Variants in DLG2 observed in about 807,000 individuals in gnomAD.
DLG2 encodes the protein discs large MAGUK scaffold protein 2, also known as disks large homolog 2.
DLG2 carries 45 observed loss-of-function variants against 132.5 expected under a neutral mutation model. The observed-to-expected ratio is 0.34, with a 90% CI of 0.27 to 0.44. DLG2 has a LOEUF of 0.44. Ranked by LOEUF, DLG2 falls within the 20% of genes least tolerant of loss-of-function variation. DLG2 has a pLI of 1.00. For missense variants in DLG2, 1,045 were observed against 1,196.9 expected, an observed-to-expected ratio of 0.87 and a Z score of 1.87; for synonymous variants, 424 against 419.6, an observed-to-expected ratio of 1.01 and a Z score of -0.13.
At chr11:83,752,431 A>G (rs2093366646) in intron 18 of DLG2, among the ~76,000 whole-genome samples, 1 of 152,220 alleles carries the variant, frequency 6.6e-6, no homozygotes, top group Admixed American at 6.5e-5. Flanking sequence ...AGCCAAGCGA[A>G]TCAAGTACTT....
chr11:84,135,193 T>C (rs754410405), intron 9 of DLG2, among the ~76,000 whole-genome samples: 5 of 152,246 alleles, frequency 3.3e-5, no homozygotes, highest in South Asian at 2.1e-4. Context: ...TAAATACTTA[T>C]TGACTGACAG....
intron 18 of DLG2, among the ~76,000 whole-genome samples, chr11:83,686,159 C>T (rs1000273228): frequency 6.6e-6 from 1 of 152,074 alleles, no homozygotes; most frequent in Non-Finnish European, 1.5e-5. Flanking sequence ...GTTTTTAAAA[C>T]AAAATTCAGA....
intron 19 of DLG2, among the ~76,000 whole-genome samples, chr11:83,625,075 C>A (rs1157740090): frequency 1.3e-5 from 2 of 152,142 alleles, no homozygotes; most frequent in Admixed American, 1.3e-4. Flanking sequence ...AATGATCTTG[C>A]TAAATAAGAA....
At chr11:84,547,637 C>G (rs1479122509) in intron 6 of DLG2, among the ~76,000 whole-genome samples, 1 of 152,142 alleles carries the variant, frequency 6.6e-6, no homozygotes, top group Non-Finnish European at 1.5e-5. Flanking sequence ...TGATATCTTT[C>G]CAGATGCTTT....
chr11:84,843,602 T>G (rs1289771508), intron 6 of DLG2, among the ~76,000 whole-genome samples: 1 of 151,888 alleles, frequency 6.6e-6, no homozygotes, highest in Non-Finnish European at 1.5e-5. Context: ...GCTCAAGTCC[T>G]TTATATAAAA....
At chr11:84,117,560 G>A (rs2093693263) in intron 9 of DLG2, among the ~76,000 whole-genome samples, 1 of 152,062 alleles carries the variant, frequency 6.6e-6, no homozygotes. Flanking sequence ...ATCTAAACGT[G>A]GTTTAAGCAT....
At position 83,955,643 on chromosome 11, in the gene DLG2, A is replaced by G. The variant is rs1344619335; in HGVS notation, c.1340+7242T>C. 3.9e-5 allele frequency among the ~76,000 whole-genome samples: 6 copies of G among 152,156 alleles called. No homozygotes were observed. The East Asian group carries it at 1.2e-3, about 29-fold the overall frequency. ...TGTCCTGCCCTCATCCTATGTATATAAAGACTCCAGGCTCAGTCAATAATT... is the reference window on the plus strand; with the variant it reads ...TGTCCTGCCCTCATCCTATGTATATGAAGACTCCAGGCTCAGTCAATAATT... On this transcript the variant is annotated intron_variant, in intron 14 of 27. Coordinates refer to ENST00000376104, the MANE Select transcript of DLG2 (RefSeq NM_001142699.3).
At chr11:84,523,332 G>A (rs529833222) in intron 7 of DLG2, among the ~76,000 whole-genome samples, 1 of 152,204 alleles carries the variant, frequency 6.6e-6, no homozygotes, top group African/African-American at 2.4e-5. Context: ...GAAGTTAATA[G>A]ATTTACTAAT....
At position 83,472,768 on chromosome 11, in the gene DLG2, T is replaced by G. The variant is rs2092218493; in HGVS notation, c.2303A>C (p.Glu768Ala). 6.2e-7 allele frequency: 1 copy of G among 1,612,070 alleles called. No individual in the cohort carries two copies. The highest frequency in any genetic ancestry group is 1.3e-5 in the African/African-American group (1 of 74,780). The change falls in exon 23 of 28, where the codon GAA (glutamate) becomes GCA (alanine). Residue 768 changes from glutamate (E) to alanine (A), a missense_variant. Glu to Ala is a moderately radical substitution (Grantham distance 107). Coordinates refer to ENST00000376104, the MANE Select transcript of DLG2 (RefSeq NM_001142699.3). ...AGGCTCATAGGAAAGAATGAGGTCT[T>G]CTTGTCCTCCTGAGAAGAGAAGGAA... Reference protein sequence around the residue: ...QETSDPERGQEDLILSYEPVT... With the variant: ...QETSDPERGQADLILSYEPVT...
chr11:83,668,808 T>C lies in DLG2; in HGVS notation c.1826-35483A>G, dbSNP rs1041944165. ...ATGTGTATATAAACACACATATATA[T>C]GTGTATATAAACATATATATGTGTA... On this transcript the variant is annotated intron_variant, in intron 18 of 27. Transcript: ENST00000376104. Among the ~76,000 whole-genome samples, 6 of 83,480 alleles carry C rather than the reference T, an allele frequency of 7.2e-5. 1 individual carries two copies. The highest frequency in any genetic ancestry group is 4.4e-4 in the African/African-American group (6 of 13,686). 54.8% of individuals were successfully genotyped at this position (83,480 alleles called of 152,430 possible).
Position 84,513,716 on chromosome 11 carries a change from T to G in DLG2, c.519+20854A>C, listed in dbSNP as rs531019577. Among the ~76,000 whole-genome samples, 5 of 151,718 alleles carry G rather than the reference T, an allele frequency of 3.3e-5. No individual in the cohort carries two copies. In the South Asian group the frequency reaches 1.0e-3, roughly 32 times the overall value. On this transcript the variant is annotated intron_variant, in intron 7 of 27. Transcript: ENST00000376104. The stretch of plus-strand genomic sequence containing the variant: ...CTAAAGACTTAAATCTAAGACCTGA[T>G]ACTATGAAAGCATCACAAGAAAACA...
intron 2 of DLG2, among the ~76,000 whole-genome samples, chr11:85,620,230 C>T (rs1378144623): frequency 1.3e-5 from 2 of 152,166 alleles, no homozygotes; most frequent in Non-Finnish European, 2.9e-5. Context: ...AAATCATACC[C>T]ACATAAGACA....
At chr11:84,516,067 C>T (rs1027428702) in intron 7 of DLG2, among the ~76,000 whole-genome samples, 18 of 150,434 alleles carry the variant, frequency 1.2e-4, no homozygotes, top group East Asian at 2.0e-4. Flanking sequence ...ATACAAAAAC[C>T]GACAGAATAC....
At chr11:85,058,491 T>C (rs2063695036) in intron 6 of DLG2, among the ~76,000 whole-genome samples, 1 of 151,456 alleles carries the variant, frequency 6.6e-6, no homozygotes, top group East Asian at 1.9e-4. Flanking sequence ...ATTCAATGAA[T>C]TCACAACCAA....
In DLG2 at chr11:83,698,947, G is replaced by C. The variant is rs543572970; in HGVS notation, c.1826-65622C>G. 1.7e-3 allele frequency among the ~76,000 whole-genome samples: 257 copies of C among 152,322 alleles called. 1 individual carries two copies. The Middle Eastern group carries it at 0.017, about 10-fold the overall frequency. The stretch of plus-strand genomic sequence containing the variant: ...TATCAGTAGCTTTTGCTGCATTCAA[G>C]AGAGAGCTGCATCTTTGACATGTGA... On this transcript the variant is annotated intron_variant, in intron 18 of 27. Coordinates refer to ENST00000376104, the MANE Select transcript of DLG2 (RefSeq NM_001142699.3).
intron 6 of DLG2, among the ~76,000 whole-genome samples, chr11:84,592,478 A>C (rs1352588906): frequency 6.6e-6 from 1 of 152,184 alleles, no homozygotes; most frequent in Non-Finnish European, 1.5e-5. Context: ...GGATCTAATT[A>C]AACCAAAGAG....
At chr11:85,469,313 A>G (rs1338812669) in intron 3 of DLG2, 1 of 152,226 alleles carries the variant, frequency 6.6e-6, no homozygotes, top group African/African-American at 2.4e-5. Flanking sequence ...CTTGTTGTGC[A>G]AATAAAATCA....
At chr11:84,697,599 G>A (rs565993439) in intron 6 of DLG2, among the ~76,000 whole-genome samples, 5 of 151,492 alleles carry the variant, frequency 3.3e-5, no homozygotes, top group African/African-American at 1.2e-4. Flanking sequence ...AAGTGTACCA[G>A]GCCTTTTCCA....
intron 6 of DLG2, among the ~76,000 whole-genome samples, chr11:84,875,813 C>A (rs1819298454): frequency 6.6e-6 from 1 of 152,132 alleles, no homozygotes; most frequent in Non-Finnish European, 1.5e-5. Context: ...TCTCAGCTCA[C>A]TGAAATCTCC....
Sources: allele counts gnomAD v4.1 joint callset (sites outside exome capture counted in the v4.1 genomes callset), GRCh38; gene constraint gnomAD v4.1.1; transcripts MANE v1.5; gene names NCBI Gene and HGNC (gene_info 2026-07-23, HGNC 2026-07-21).